Variants in VPS35 observed in about 807,000 individuals in gnomAD.
VPS35 encodes the protein vacuolar protein sorting-associated protein 35.
VPS35 carries 21 observed loss-of-function variants against 98.1 expected under a neutral mutation model. The ratio of observed to expected loss-of-function variants is 0.21; its 90% CI spans 0.15 to 0.31. The LOEUF (loss-of-function observed/expected upper bound fraction) is 0.31, where lower values mean the gene tolerates loss of function less well. Among genes scored for constraint, VPS35 ranks in the 10% least tolerant of loss-of-function variants. The pLI is 1.00. For synonymous variants in VPS35, 268 were observed against 318.2 expected, an observed-to-expected ratio of 0.84 and a Z score of 1.68; for missense variants, 554 against 950.8, an observed-to-expected ratio of 0.58 and a Z score of 5.49.
At chr16:46,686,231 C>T (rs781025422) in intron 1 of VPS35, among the ~76,000 whole-genome samples, 5 of 152,094 alleles carry the variant, frequency 3.3e-5, no homozygotes, top group Non-Finnish European at 7.4e-5. Context: ...CTTTTAAAAA[C>T]GAAGTATTTC....
rs1362393338 is a variant in VPS35, at chr16:46,682,089, G to A, written c.189C>T (p.Tyr63=). The A allele has an allele frequency of 5.0e-6, 8 of 1,611,848 alleles. No individual in the cohort carries two copies. Among genetic ancestry groups the A allele is most frequent in the Non-Finnish European group, 6.8e-6 (8 of 1,178,050 alleles). The part of the protein sequence containing the change: ...LRTSMLSPKS[Y]YELYMAISDE... The stretch of plus-strand genomic sequence containing the variant: ...ACATTCAAAAGATACAAAGTTCATA[G>A]TAACTCTTTGGTGATAACATAGAAG... Residue 63 remains tyrosine (Y), a synonymous_variant, in exon 3 of 17, where the codon TAC becomes TAT. Transcript: ENST00000299138.
chr16:46,662,070 C>T, intron 15 of VPS35, 173 bp downstream of exon 15: 1 of 1,321,202 alleles, frequency 7.6e-7, no homozygotes, highest in Non-Finnish European at 1.0e-6. Flanking sequence ...TTACAATATC[C>T]TCAAAGCAGA....
rs1336362441 is a variant in VPS35 at position 46,677,533 on chromosome 16, T to C, written c.721-135A>G. 3 of 758,908 alleles carry C rather than the reference T, an allele frequency of 4.0e-6. No homozygotes were observed. In the East Asian group the frequency reaches 8.2e-5, roughly 21 times the overall value. 47.0% of individuals were successfully genotyped at this position (758,908 alleles called of 1,614,324 possible). ...TCTCACCAAGACTTCACTTCTAAACTTTAAAAGCTTTTTTCTTTTTGAGAC... is the reference window on the plus strand; with the variant it reads ...TCTCACCAAGACTTCACTTCTAAACCTTAAAAGCTTTTTTCTTTTTGAGAC... On this transcript the variant is annotated intron_variant, in intron 6 of 16. Transcript: ENST00000299138.
In VPS35 at chr16:46,663,676, C is replaced by T. The variant is rs533946318; in HGVS notation, c.1648-514G>A. ...CCTCCCAAAGTGCTGGGATCACAGG[C>T]GTGAGCCACTGCACTCAACCTGTTT... On this transcript the variant is annotated intron_variant, in intron 13 of 16. Transcript: ENST00000299138. Among the ~76,000 whole-genome samples the T allele has an allele frequency of 6.6e-5, 10 of 151,212 alleles. No homozygotes were observed. In the South Asian group the frequency reaches 1.0e-3, roughly 16 times the overall value.
intron 13 of VPS35, among the ~76,000 whole-genome samples, chr16:46,666,496 G>A (rs1355184054): frequency 6.6e-6 from 1 of 152,006 alleles, no homozygotes; most frequent in Admixed American, 6.6e-5. Context: ...TCAAACTCCC[G>A]ACCTCAGGTG....
rs545368756 is a variant in VPS35, at chr16:46,667,859, A to C, written c.1647+1071T>G. On this transcript the variant is annotated intron_variant, in intron 13 of 16. Transcript: ENST00000299138. ...GTGTGGGTTTATTTCTAGACTCTCT[A>C]TTCTGTTCCATTGGTCTATGTGTCT... 3.3e-5 allele frequency among the ~76,000 whole-genome samples: 5 copies of C among 152,268 alleles called. No individual in the cohort carries two copies. In the South Asian group the frequency reaches 1.0e-3, roughly 32 times the overall value.
chr16:46,659,287 G>C lies in VPS35; in HGVS notation c.*1185C>G, dbSNP rs1181125818. On this transcript the variant is annotated 3_prime_UTR_variant, in exon 17 of 17. Coordinates refer to ENST00000299138, the MANE Select transcript of VPS35 (RefSeq NM_018206.6). ...TGACTGCAGCCCCAACCAGTATCTT[G>C]TTTGCAACCTTACACCACACTCTTT... 6.6e-6 allele frequency: 1 copy of C among 152,324 alleles called. No individual in the cohort carries two copies. Among genetic ancestry groups the C allele is most frequent in the East Asian group, 1.9e-4 (1 of 5,202 alleles). The allele number at this position is 152,324 out of a possible 1,614,324, so 9.4% of individuals were successfully genotyped here.
Position 46,660,352 on chromosome 16 carries a change from G to A in VPS35, c.*120C>T. The A allele has an allele frequency of 7.9e-7, 1 of 1,273,886 alleles. No individual in the cohort carries two copies. The highest frequency in any genetic ancestry group is 1.1e-6 in the Non-Finnish European group (1 of 890,296). 78.9% of individuals were successfully genotyped at this position (1,273,886 alleles called of 1,614,324 possible). On this transcript the variant is annotated 3_prime_UTR_variant, in exon 17 of 17. Coordinates refer to ENST00000299138, the MANE Select transcript of VPS35 (RefSeq NM_018206.6). ...AGGTGCTGGGTAAAACACATCACAGGTAAGAAATGGGAAACCTACCTCAGC... is the reference window on the plus strand; with the variant it reads ...AGGTGCTGGGTAAAACACATCACAGATAAGAAATGGGAAACCTACCTCAGC...
At chr16:46,675,790 C>T (rs762387631) in intron 8 of VPS35, among the ~76,000 whole-genome samples, 3 of 152,058 alleles carry the variant, frequency 2.0e-5, no homozygotes, top group Non-Finnish European at 4.4e-5. Context: ...ATTGGCCAAG[C>T]GCAGTGGCTC....
At chr16:46,678,300 A>C (rs1427782547) in intron 6 of VPS35, among the ~76,000 whole-genome samples, 1 of 78,618 alleles carries the variant, frequency 1.3e-5, no homozygotes, top group Non-Finnish European at 2.3e-5. Context: ...TTAGCTGATG[A>C]GCTTTAAAAA....
chr16:46,680,669 A>G lies in VPS35; in HGVS notation c.506+2T>C. Reference sequence around the variant, plus strand: ...ACAAAATTAAGAAAGAAAATCACTTACTCTGTTGGCTCTCCTTCATCAGGT... The same window carrying G: ...ACAAAATTAAGAAAGAAAATCACTTGCTCTGTTGGCTCTCCTTCATCAGGT... On this transcript the variant is annotated splice_donor_variant, in intron 5 of 16. Coordinates refer to ENST00000299138, the MANE Select transcript of VPS35 (RefSeq NM_018206.6). LOFTEE classifies it high-confidence loss of function. The G allele has an allele frequency of 6.2e-7, 1 of 1,613,482 alleles. No homozygotes were observed. The highest frequency in any genetic ancestry group is 8.5e-7 in the Non-Finnish European group (1 of 1,179,662).
chr16:46,681,235 G>A (rs1313654311), intron 4 of VPS35, 142 bp downstream of exon 4: 13 of 1,191,672 alleles, frequency 1.1e-5, no homozygotes, highest in Non-Finnish European at 1.5e-5. Flanking sequence ...TCTAAAACAA[G>A]TAAGAGAATA....
At chr16:46,688,576 A>G (rs1966361383) in intron 1 of VPS35, 2 of 993,920 alleles carry the variant, frequency 2.0e-6, no homozygotes, top group Admixed American at 1.1e-4. Flanking sequence ...AATTCATGTA[A>G]GCAGGTCCCC....
chr16:46,670,380 TTCAAGTGATTC>T (rs1966050656), intron 12 of VPS35, among the ~76,000 whole-genome samples: 1 of 152,080 alleles, frequency 6.6e-6, no homozygotes, highest in Non-Finnish European at 1.5e-5. Flanking sequence ...ACCTCCCAGG[TTCAAGTGATTC>T]TCCTGCCTCA....
intron 3 of VPS35, chr16:46,681,878 T>G (rs534911320): frequency 1.5e-5 from 9 of 582,088 alleles, no homozygotes; most frequent in South Asian, 1.2e-4. Context: ...ACAACACATT[T>G]AAAGATGTTT....
intron 3 of VPS35, 26 bp downstream of exon 3, chr16:46,682,053 T>C (rs1241469731): frequency 1.9e-6 from 3 of 1,565,512 alleles, no homozygotes; most frequent in Non-Finnish European, 2.6e-6. Context: ...GGTCCAAATG[T>C]TTAGTCTTCA....
intron 4 of VPS35, 87 bp from the exon 5 acceptor site, chr16:46,680,940 T>C (rs1966224961): frequency 7.3e-7 from 1 of 1,369,884 alleles, no homozygotes; most frequent in Admixed American, 1.8e-5. Context: ...AAACATTAAA[T>C]AAACAAGACA....
Position 46,661,893 on chromosome 16 carries a change from G to C in VPS35, c.2068-32C>G. 6.2e-7 allele frequency: 1 copy of C among 1,613,740 alleles called. No homozygotes were observed. Among genetic ancestry groups the C allele is most frequent in the Non-Finnish European group, 8.5e-7 (1 of 1,179,888 alleles). ...TAAAAGGGCAGGGGGACAGTGAAGA[G>C]ATTAATGAAACATCTCGTTTTCATA... On this transcript the variant is annotated intron_variant, in intron 15 of 16. Coordinates refer to ENST00000299138, the MANE Select transcript of VPS35 (RefSeq NM_018206.6). The surrounding 1 kb of genome is among the most constrained non-coding windows in gnomAD (Gnocchi z 4.3).
intron 1 of VPS35, 123 bp from the exon 2 acceptor site, chr16:46,683,729 C>CA: frequency 9.2e-7 from 1 of 1,085,706 alleles, no homozygotes. Context: ...ACCCATTTAC[C>CA]AAATTTTTTT....
Sources: allele counts gnomAD v4.1 joint callset (sites outside exome capture counted in the v4.1 genomes callset), GRCh38; gene constraint gnomAD v4.1.1; non-coding constraint Gnocchi (gnomAD v3.1); transcripts MANE v1.5; gene names NCBI Gene and HGNC (gene_info 2026-07-23, HGNC 2026-07-21).